WASL: variants seen among roughly 807,000 people sequenced by gnomAD.
WASL encodes the protein actin nucleation-promoting factor WASL.
WASL carries 20 observed loss-of-function variants against 55.5 expected under a neutral mutation model. The ratio of observed to expected loss-of-function variants is 0.36; its 90% CI spans 0.25 to 0.52. The LOEUF is 0.52. Among genes scored for constraint, WASL ranks in the 20% least tolerant of loss-of-function variants. The pLI, the probability that WASL is intolerant of heterozygous loss-of-function variation, is 0.92. For missense variants in WASL, 504 were observed against 622.5 expected (o/e 0.81, Z 2.03); for synonymous variants, 249 against 217.6 (o/e 1.14, Z -1.27).
chr7:123,689,889 T>G (rs1287019987), intron 9 of WASL, among the ~76,000 whole-genome samples: 1 of 123,366 alleles, frequency 8.1e-6, no homozygotes, highest in East Asian at 2.6e-4. Flanking sequence ...TCTTAATCAT[T>G]TCCCAAAGAC....
chr7:123,708,879 A>C (rs1320677494), intron 2 of WASL, among the ~76,000 whole-genome samples: 1 of 152,118 alleles, frequency 6.6e-6, no homozygotes, highest in Non-Finnish European at 1.5e-5. Context: ...GAAAGATAAA[A>C]TAGGAAACTA....
At chr7:123,701,710 T>C (rs1351060311) in intron 5 of WASL, among the ~76,000 whole-genome samples, 1 of 152,164 alleles carries the variant, frequency 6.6e-6, no homozygotes, top group African/African-American at 2.4e-5. Flanking sequence ...CACCTAGTGG[T>C]GGTGCACCAA....
At chr7:123,688,946 C>T in intron 10 of WASL, 96 bp downstream of exon 10, 1 of 1,068,860 alleles carries the variant, frequency 9.4e-7, no homozygotes. Context: ...CAAAGACAGT[C>T]ATAAAAATAA....
intron 1 of WASL, among the ~76,000 whole-genome samples, chr7:123,724,444 C>T (rs1055725130): frequency 9.9e-5 from 15 of 152,188 alleles, no homozygotes; most frequent in African/African-American, 9.6e-5. Context: ...GCAAATATTT[C>T]TCCCTTTCTG....
At position 123,727,890 on chromosome 7, in the gene WASL, C is replaced by T. The variant is rs555430221; in HGVS notation, c.118-18667G>A. On this transcript the variant is annotated intron_variant, in intron 1 of 10. Coordinates refer to ENST00000223023, the MANE Select transcript of WASL (RefSeq NM_003941.4). ...TAATGCAAACCACCAAAAACACTAA[C>T]GACTTCTTATGTTTGACGCACTTCA... Among the ~76,000 whole-genome samples the T allele has an allele frequency of 9.9e-5, 15 of 152,230 alleles. No homozygotes were observed. In the South Asian group the frequency reaches 1.5e-3, roughly 15 times the overall value.
chr7:123,702,870 A>G (rs1419266643), intron 5 of WASL, among the ~76,000 whole-genome samples: 1 of 152,196 alleles, frequency 6.6e-6, no homozygotes, highest in African/African-American at 2.4e-5. Context: ...ACATGTATTT[A>G]CAACCTTAAT....
At chr7:123,695,928 T>C (rs1803484685) in intron 6 of WASL, 63 bp from the exon 7 acceptor site, 52 of 1,513,440 alleles carry the variant, frequency 3.4e-5, no homozygotes, top group Middle Eastern at 1.8e-4. Flanking sequence ...ATAAACACAA[T>C]ATATATGAAA....
At chr7:123,745,343 A>T (rs1213223049) in intron 1 of WASL, among the ~76,000 whole-genome samples, 2 of 151,928 alleles carry the variant, frequency 1.3e-5, no homozygotes, top group Non-Finnish European at 2.9e-5. Flanking sequence ...TCCCCTGAAA[A>T]TTTTCTAAGT....
chr7:123,718,382 T>C (rs1385171388), intron 1 of WASL, among the ~76,000 whole-genome samples: 1 of 152,212 alleles, frequency 6.6e-6, no homozygotes, highest in African/African-American at 2.4e-5. Flanking sequence ...AATATATTCA[T>C]TTTGCCAAAC....
At position 123,748,964 on chromosome 7, in the gene WASL, T is replaced by G; in HGVS notation, c.-230A>C. 1 of 550,176 alleles carries G rather than the reference T, an allele frequency of 1.8e-6. No homozygotes were observed. Among genetic ancestry groups the G allele is most frequent in the South Asian group, 2.3e-5 (1 of 44,326 alleles). 34.1% of individuals were successfully genotyped at this position (550,176 alleles called of 1,614,324 possible). On this transcript the variant is annotated 5_prime_UTR_variant, in exon 1 of 11. Transcript: ENST00000223023. ...GCTCCCGGCACCCGCCCGGCCAGGC[T>G]AGGGCCGGATGGTCGTTGTCCTCGC...
At chr7:123,748,562 A>C in intron 1 of WASL, 56 bp downstream of exon 1, 3 of 1,563,458 alleles carry the variant, frequency 1.9e-6, no homozygotes, top group African/African-American at 1.4e-5. Context: ...CCCGGCCCCC[A>C]AGCCCGGGCC....
chr7:123,708,343 C>T (rs1294115711), intron 2 of WASL, among the ~76,000 whole-genome samples: 1 of 152,144 alleles, frequency 6.6e-6, no homozygotes, highest in Non-Finnish European at 1.5e-5. Flanking sequence ...TGTTATCTAT[C>T]AGGTCATATT....
At chr7:123,712,833 GC>G (rs1264090961) in intron 1 of WASL, among the ~76,000 whole-genome samples, 1 of 152,072 alleles carries the variant, frequency 6.6e-6, no homozygotes, top group Non-Finnish European at 1.5e-5. Flanking sequence ...GTTCTATCCT[GC>G]ATAAGACTTA....
chr7:123,686,867 C>CTA (rs1331347190), intron 10 of WASL, among the ~76,000 whole-genome samples: 1 of 152,146 alleles, frequency 6.6e-6, no homozygotes, highest in Non-Finnish European at 1.5e-5. Flanking sequence ...CTAAAGAAGA[C>CTA]TATACCATAA....
chr7:123,700,545 T>C (rs1459035527), intron 5 of WASL, among the ~76,000 whole-genome samples: 1 of 152,054 alleles, frequency 6.6e-6, no homozygotes, highest in Admixed American at 6.5e-5. Flanking sequence ...GTTCAAGTGA[T>C]TCTCCTGCCT....
At chr7:123,712,131 C>T (rs753102348) in intron 1 of WASL, among the ~76,000 whole-genome samples, 24 of 151,992 alleles carry the variant, frequency 1.6e-4, no homozygotes, top group Non-Finnish European at 2.8e-4. Context: ...GTTGAAATGA[C>T]TTTTATTGGA....
chr7:123,734,639 G>A (rs1196733346), intron 1 of WASL, among the ~76,000 whole-genome samples: 1 of 150,100 alleles, frequency 6.7e-6, no homozygotes, highest in African/African-American at 2.5e-5. Context: ...GATTTCAGCA[G>A]GGAGGGGCGG....
chr7:123,713,093 CTA>C lies in WASL; in HGVS notation c.118-3872_118-3871del, dbSNP rs201695696. Reference sequence around the variant, plus strand: ...TGAATAACTGAATATTTAATAATAACTAAAATTATTTTAATCTAACAAATATA... The same window carrying C: ...TGAATAACTGAATATTTAATAATAACAAATTATTTTAATCTAACAAATATA... On this transcript the variant is annotated intron_variant, in intron 1 of 10. Coordinates refer to ENST00000223023, the MANE Select transcript of WASL (RefSeq NM_003941.4). Among the ~76,000 whole-genome samples the C allele has an allele frequency of 9.2e-3, 1,407 of 152,146 alleles. 21 individuals are homozygous for C. Among genetic ancestry groups the C allele is most frequent in the African/African-American group, 0.032 (1,327 of 41,510 alleles).
intron 1 of WASL, among the ~76,000 whole-genome samples, chr7:123,731,307 C>T (rs770922789): frequency 6.6e-6 from 1 of 152,096 alleles, no homozygotes; most frequent in East Asian, 1.9e-4. Context: ...GGTCAAAATA[C>T]ATGAGGCAAA....
Sources: gnomAD v4.1 joint callset for allele counts (sites outside exome capture counted in the v4.1 genomes callset) on GRCh38, gnomAD v4.1.1 for gene constraint, MANE v1.5 for transcripts, NCBI Gene and HGNC (gene_info 2026-07-23, HGNC 2026-07-21) for gene names.